The following FOXK1 variants were observed in gnomAD, a reference collection of about 807,000 sequenced individuals.
FOXK1 encodes forkhead box protein K1.
Under a neutral mutation model 51.9 loss-of-function variants are expected in FOXK1, and 19 were observed. That is an observed-to-expected ratio of 0.37 (90% confidence interval 0.26 to 0.54). The LOEUF is 0.54. Among genes scored for constraint, FOXK1 ranks in the 20% least tolerant of loss-of-function variants. The pLI is 0.87. For synonymous variants in FOXK1, 537 were observed against 482.6 expected, an observed-to-expected ratio of 1.11 and a Z score of -1.48; for missense variants, 870 against 1,032.7, an observed-to-expected ratio of 0.84 and a Z score of 2.16.
rs564113903 is a variant in FOXK1 at position 4,768,516 on chromosome 7, T to G, written c.*6052T>G. On this transcript the variant is annotated 3_prime_UTR_variant, in exon 9 of 9. Transcript: ENST00000328914. ...TGGGACCCTGTCTCTGCTGGGCTTT[T>G]CCGGCCCCGTCCCAGCTCCTCCTCA... 1 of 152,574 alleles carries G rather than the reference T, an allele frequency of 6.6e-6. No homozygotes were observed. The highest frequency in any genetic ancestry group is 2.1e-4 in the South Asian group (1 of 4,832). 9.5% of individuals were successfully genotyped at this position (152,574 alleles called of 1,614,324 possible). A position where few individuals can be genotyped will look rare whatever the true frequency, so the allele number is the denominator to read the frequency against.
chr7:4,682,536 G>A lies in FOXK1; in HGVS notation c.228G>A (p.Gly76=), dbSNP rs991326472. ...AGAGSSGGSS[G]VSGDSAVAGA... Reference sequence around the variant, plus strand: ...CGGGCTCCTCCGGGGGCTCCTCCGGGGTATCCGGGGACTCCGCGGTCGCGG... The same window carrying A: ...CGGGCTCCTCCGGGGGCTCCTCCGGAGTATCCGGGGACTCCGCGGTCGCGG... Residue 76 remains glycine, a synonymous_variant, in exon 1 of 9, where the codon GGG becomes GGA. Coordinates refer to ENST00000328914, the MANE Select transcript of FOXK1 (RefSeq NM_001037165.2). The surrounding 1 kb of genome is among the most constrained non-coding windows in gnomAD (Gnocchi z 7.6). 7.1e-5 allele frequency: 80 copies of A among 1,134,172 alleles called. No homozygotes were observed. The highest frequency in any genetic ancestry group is 9.4e-5 in the East Asian group (2 of 21,260). The allele number at this position is 1,134,172 out of a possible 1,614,324, so 70.3% of individuals were successfully genotyped here. A position where few individuals can be genotyped will look rare whatever the true frequency, so the allele number is the denominator to read the frequency against.
intron 1 of FOXK1, among the ~76,000 whole-genome samples, chr7:4,708,359 C>T (rs888633709): frequency 1.3e-5 from 2 of 152,094 alleles, no homozygotes; most frequent in Admixed American, 6.6e-5. Flanking sequence ...GATCGGGATC[C>T]GGCCTCCTTC....
At chr7:4,719,564 C>A (rs532732037) in intron 1 of FOXK1, among the ~76,000 whole-genome samples, 1 of 152,170 alleles carries the variant, frequency 6.6e-6, no homozygotes, top group Non-Finnish European at 1.5e-5. Flanking sequence ...TCACTGCAAC[C>A]TTTGCCTCCT....
rs145854157 is a variant in FOXK1 at position 4,693,558 on chromosome 7, G to A, written c.560+10690G>A. ...ACGATTCATCCTGTTAGTTACTGCC[G>A]TTATTTTCCCTGGGGGCCTCTGTCG... On this transcript the variant is annotated intron_variant, in intron 1 of 8. Coordinates refer to ENST00000328914, the MANE Select transcript of FOXK1 (RefSeq NM_001037165.2). Among the ~76,000 whole-genome samples the A allele has an allele frequency of 2.0e-4, 30 of 152,210 alleles. No individual in the cohort carries two copies. In the East Asian group the frequency reaches 4.2e-3, roughly 22 times the overall value.
Position 4,749,726 on chromosome 7 carries a change from C to G in FOXK1, c.747-4733C>G, listed in dbSNP as rs1780750624. ...GGCCTTCTCAGCCTCAGAGCAGAGCCAAGGGCATTGAGGGTGGACTGGAAG... is the reference window on the plus strand; with the variant it reads ...GGCCTTCTCAGCCTCAGAGCAGAGCGAAGGGCATTGAGGGTGGACTGGAAG... On this transcript the variant is annotated intron_variant, in intron 2 of 8. Coordinates refer to ENST00000328914, the MANE Select transcript of FOXK1 (RefSeq NM_001037165.2). This position sits in a 1 kb window ranked among gnomAD's most constrained non-coding sequence, Gnocchi z 6.0. Among the ~76,000 whole-genome samples the G allele has an allele frequency of 1.3e-5, 2 of 152,226 alleles. No homozygotes were observed. The highest frequency in any genetic ancestry group is 4.1e-4 in the South Asian group (2 of 4,836).
At position 4,755,179 on chromosome 7, in the gene FOXK1, G is replaced by A; in HGVS notation, c.904-58G>A. On this transcript the variant is annotated intron_variant, in intron 3 of 8. Transcript: ENST00000328914. This position sits in a 1 kb window ranked among gnomAD's most constrained non-coding sequence, Gnocchi z 6.6. Reference sequence around the variant, plus strand: ...CCTCCCCATCAGCTGTGACGGGTGGGTGGGGTAGACTCAGGGACCTTGCTG... The same window carrying A: ...CCTCCCCATCAGCTGTGACGGGTGGATGGGGTAGACTCAGGGACCTTGCTG... 1 of 1,589,380 alleles carries A rather than the reference G, an allele frequency of 6.3e-7. No individual in the cohort carries two copies. Among genetic ancestry groups the A allele is most frequent in the Non-Finnish European group, 8.6e-7 (1 of 1,163,644 alleles).
At chr7:4,687,573 C>T (rs911290740) in intron 1 of FOXK1, among the ~76,000 whole-genome samples, 6 of 152,116 alleles carry the variant, frequency 3.9e-5, no homozygotes, top group Admixed American at 6.5e-5. Context: ...GGATGACAGG[C>T]GTGAGCTACT....
rs1162729829 is a variant in FOXK1, at chr7:4,756,767, A to C, written c.1051-227A>C. Among the ~76,000 whole-genome samples, 1 of 151,888 alleles carries C rather than the reference A, an allele frequency of 6.6e-6. No individual in the cohort carries two copies. The highest frequency in any genetic ancestry group is 1.5e-5 in the Non-Finnish European group (1 of 67,954). ...GCGACAGAATGAGACTCCGTCAAAA[A>C]AAAAAAAAAGGTAAAATGGTAATTA... On this transcript the variant is annotated intron_variant, in intron 4 of 8. Coordinates refer to ENST00000328914, the MANE Select transcript of FOXK1 (RefSeq NM_001037165.2). The surrounding 1 kb of genome is among the most constrained non-coding windows in gnomAD (Gnocchi z 4.1).
In FOXK1 at chr7:4,682,398, C is replaced by T. The variant is rs1779758113; in HGVS notation, c.90C>T (p.Ala30=). Residue 30 remains alanine (A), a synonymous_variant, in exon 1 of 9, where the codon GCC becomes GCT. Coordinates refer to ENST00000328914, the MANE Select transcript of FOXK1 (RefSeq NM_001037165.2). This position sits in a 1 kb window ranked among gnomAD's most constrained non-coding sequence, Gnocchi z 7.6. ...PCSPVLCAAA[A]AAAFPAAAPP... The stretch of plus-strand genomic sequence containing the variant: ...GCCCAGTGCTGTGCGCCGCAGCCGC[C>T]GCCGCCGCCTTCCCCGCGGCCGCAC... The T allele has an allele frequency of 1.0e-5, 10 of 981,228 alleles. No homozygotes were observed. The highest frequency in any genetic ancestry group is 5.2e-4 in the Middle Eastern group (1 of 1,932). 60.8% of individuals were successfully genotyped at this position (981,228 alleles called of 1,614,324 possible). A position where few individuals can be genotyped will look rare whatever the true frequency, so the allele number is the denominator to read the frequency against.
In FOXK1 at chr7:4,709,531, G is replaced by A. The variant is rs928630813; in HGVS notation, c.560+26663G>A. ...GGCAGATCGAGGCTGGCCCGTGACCGGGGCAGGCGGACCTTCTCCGGGAGC... is the reference window on the plus strand; with the variant it reads ...GGCAGATCGAGGCTGGCCCGTGACCAGGGCAGGCGGACCTTCTCCGGGAGC... On this transcript the variant is annotated intron_variant, in intron 1 of 8. Coordinates refer to ENST00000328914, the MANE Select transcript of FOXK1 (RefSeq NM_001037165.2). This position sits in a 1 kb window ranked among gnomAD's most constrained non-coding sequence, Gnocchi z 5.6. Among the ~76,000 whole-genome samples, 4 of 152,190 alleles carry A rather than the reference G, an allele frequency of 2.6e-5. No homozygotes were observed. The highest frequency in any genetic ancestry group is 9.6e-5 in the African/African-American group (4 of 41,456).
chr7:4,728,570 C>G (rs1288963579), intron 1 of FOXK1, among the ~76,000 whole-genome samples: 1 of 151,878 alleles, frequency 6.6e-6, no homozygotes, highest in Non-Finnish European at 1.5e-5. Flanking sequence ...GAGAACAGAC[C>G]AGCAGCAGAT....
rs1013903445 is a variant in FOXK1 at position 4,768,708 on chromosome 7, G to C, written c.*6244G>C. On this transcript the variant is annotated 3_prime_UTR_variant, in exon 9 of 9. Coordinates refer to ENST00000328914, the MANE Select transcript of FOXK1 (RefSeq NM_001037165.2). ...GGCTTTTCCTGGAGGTGGGTGAGAA[G>C]GCTCTCCGGGCAAATCAGAAGGCCA... 1 of 152,720 alleles carries C rather than the reference G, an allele frequency of 6.5e-6. No individual in the cohort carries two copies. The highest frequency in any genetic ancestry group is 2.4e-5 in the African/African-American group (1 of 41,466). The allele number at this position is 152,720 out of a possible 1,614,324, so 9.5% of individuals were successfully genotyped here. A position where few individuals can be genotyped will look rare whatever the true frequency, so the allele number is the denominator to read the frequency against.
At position 4,755,947 on chromosome 7, in the gene FOXK1, G is replaced by A. The variant is rs1327076259; in HGVS notation, c.1050+564G>A. 6.6e-6 allele frequency among the ~76,000 whole-genome samples: 1 copy of A among 152,064 alleles called. No individual in the cohort carries two copies. Among genetic ancestry groups the A allele is most frequent in the Non-Finnish European group, 1.5e-5 (1 of 68,018 alleles). Reference sequence around the variant, plus strand: ...TGCTTGCTGTGCCTCACAATCCCACGTTAAGTTGGAAAAATGTACCATATA... The same window carrying A: ...TGCTTGCTGTGCCTCACAATCCCACATTAAGTTGGAAAAATGTACCATATA... On this transcript the variant is annotated intron_variant, in intron 4 of 8. Transcript: ENST00000328914. This position sits in a 1 kb window ranked among gnomAD's most constrained non-coding sequence, Gnocchi z 6.6.
chr7:4,736,153 A>G (rs1027103512), intron 1 of FOXK1, among the ~76,000 whole-genome samples: 1 of 152,176 alleles, frequency 6.6e-6, no homozygotes, highest in Non-Finnish European at 1.5e-5. Flanking sequence ...TGTTTCAAAA[A>G]ATAAATAAAA....
At chr7:4,737,754 C>T (rs918236252) in intron 1 of FOXK1, among the ~76,000 whole-genome samples, 2 of 152,178 alleles carry the variant, frequency 1.3e-5, no homozygotes, top group African/African-American at 4.8e-5. Context: ...GGGTGGATGT[C>T]GGCTCTGGGA....
At chr7:4,696,115 C>CAAAAAAAAAAAAA in intron 1 of FOXK1, among the ~76,000 whole-genome samples, 1 of 80,142 alleles carries the variant, frequency 1.2e-5, no homozygotes, top group Non-Finnish European at 2.8e-5. Flanking sequence ...GACTGTGTCT[C>CAAAAAAAAAAAAA]AAAAAAAAAA....
Position 4,756,067 on chromosome 7 carries a change from T to C in FOXK1, c.1050+684T>C, listed in dbSNP as rs1395969024. On this transcript the variant is annotated intron_variant, in intron 4 of 8. Transcript: ENST00000328914. This position sits in a 1 kb window ranked among gnomAD's most constrained non-coding sequence, Gnocchi z 4.1. ...GACTGATGCATGTTGCATTTGCCTGTATTTTCTCCAATGTCAGTGTAGCGC... is the reference window on the plus strand; with the variant it reads ...GACTGATGCATGTTGCATTTGCCTGCATTTTCTCCAATGTCAGTGTAGCGC... Among the ~76,000 whole-genome samples the C allele has an allele frequency of 1.3e-5, 2 of 152,220 alleles. No homozygotes were observed. The highest frequency in any genetic ancestry group is 4.8e-5 in the African/African-American group (2 of 41,466).
chr7:4,694,951 A>G (rs577383119), intron 1 of FOXK1, among the ~76,000 whole-genome samples: 1 of 152,354 alleles, frequency 6.6e-6, no homozygotes, highest in Non-Finnish European at 1.5e-5. Flanking sequence ...CCTGCGCCTT[A>G]CCAAGAAGCT....
chr7:4,726,410 A>G (rs1454592676), intron 1 of FOXK1, among the ~76,000 whole-genome samples: 1 of 152,190 alleles, frequency 6.6e-6, no homozygotes, highest in African/African-American at 2.4e-5. Context: ...ATTTGAAGTC[A>G]GGAGTTCGAG....
Sources: allele counts gnomAD v4.1 joint callset (sites outside exome capture counted in the v4.1 genomes callset), GRCh38; gene constraint gnomAD v4.1.1; non-coding constraint Gnocchi (gnomAD v3.1); transcripts MANE v1.5; gene names NCBI Gene and HGNC (gene_info 2026-07-23, HGNC 2026-07-21).